The following PCDHGB6 variants were observed in gnomAD, a reference collection of about 807,000 sequenced individuals.
PCDHGB6 encodes the protein protocadherin gamma-B6.
A neutral mutation model predicts 59.1 loss-of-function variants in PCDHGB6; 51 were observed. The ratio of observed to expected loss-of-function variants is 0.86; its 90% CI spans 0.69 to 1.09. The LOEUF is 1.09. PCDHGB6 is among the 50% of genes least tolerant of loss of function. The pLI is 0.00. For missense variants in PCDHGB6, 1,148 were observed against 1,205.1 expected, an observed-to-expected ratio of 0.95 and a Z score of 0.70; for synonymous variants, 466 against 495.1, an observed-to-expected ratio of 0.94 and a Z score of 0.78.
At chr5:141,497,203 G>A (rs750138875) in intron 2 of PCDHGB6, among the ~76,000 whole-genome samples, 25 of 91,718 alleles carry the variant, frequency 2.7e-4, no homozygotes, top group Non-Finnish European at 4.9e-4. Flanking sequence ...AACAATGTGA[G>A]TGTAATGGGG....
rs966009387 is a variant in PCDHGB6, at chr5:141,511,564, G to A, written c.*391G>A. The A allele has an allele frequency of 3.0e-5, 9 of 295,900 alleles. No individual in the cohort carries two copies. The highest frequency in any genetic ancestry group is 4.6e-5 in the Non-Finnish European group (7 of 151,798). The allele number at this position is 295,900 out of a possible 1,614,324, so 18.3% of individuals were successfully genotyped here. A position where few individuals can be genotyped will look rare whatever the true frequency, so the allele number is the denominator to read the frequency against. ...CCCACTCCAACAGTTCCTCTTTCCC[G>A]AGTAAGGTGGTTGGGGTGTTGAAGT... On this transcript the variant is annotated 3_prime_UTR_variant, in exon 4 of 4. Transcript: ENST00000520790.
intron 1 of PCDHGB6, chr5:141,422,633 G>C: frequency 6.2e-7 from 1 of 1,613,120 alleles, no homozygotes; most frequent in Non-Finnish European, 8.5e-7. Context: ...AACCCCAGGG[G>C]TGCCTCCATC....
Position 141,489,427 on chromosome 5 carries a change from C to A in PCDHGB6, c.2419-5380C>A. ...AAAGATGACAGATCTGTTGAGCCGG[C>A]GGCTGCAATTGGGCTCTGAGGAGAA... On this transcript the variant is annotated intron_variant, in intron 1 of 3. Coordinates refer to ENST00000520790, the MANE Select transcript of PCDHGB6 (RefSeq NM_018926.3). This position sits in a 1 kb window ranked among gnomAD's most constrained non-coding sequence, Gnocchi z 4.5. The A allele has an allele frequency of 6.2e-7, 1 of 1,614,108 alleles. No individual in the cohort carries two copies. The highest frequency in any genetic ancestry group is 1.1e-5 in the South Asian group (1 of 91,086).
At position 141,408,402 on chromosome 5, in the gene PCDHGB6, G is replaced by A; in HGVS notation, c.200G>A (p.Arg67Gln). ...CTGGATGTGTCGGCTCGCAAGCTGC[G>A]AGTGAGCGCGGAGAAGCTGCACTTC... ...SVLDVSARKL[R>Q]VSAEKLHFSV... The change falls in exon 1 of 4, where the codon CGA becomes CAA. Residue 67 changes from arginine (R) to glutamine (Q), a missense_variant. Around this residue, in one of 5 missense-constraint regions of PCDHGB6, gnomAD observed 307 missense variants for 323.8 expected, o/e 0.95. Transcript: ENST00000520790. 2 of 1,614,052 alleles carry A rather than the reference G, an allele frequency of 1.2e-6. No homozygotes were observed. Among genetic ancestry groups the A allele is most frequent in the Non-Finnish European group, 1.7e-6 (2 of 1,179,892 alleles).
chr5:141,476,225 A>G lies in PCDHGB6; in HGVS notation c.2419-18582A>G, dbSNP rs1414835001. ...GGCTTCCACGGTCATTCACTATGAG[A>G]TCCCGGAGGAAAGAGAGAAGGGTTT... On this transcript the variant is annotated intron_variant, in intron 1 of 3. Transcript: ENST00000520790. This position sits in a 1 kb window ranked among gnomAD's most constrained non-coding sequence, Gnocchi z 7.6. 3 of 1,613,882 alleles carry G rather than the reference A, an allele frequency of 1.9e-6. No homozygotes were observed. The highest frequency in any genetic ancestry group is 2.5e-6 in the Non-Finnish European group (3 of 1,180,012).
Position 141,476,657 on chromosome 5 carries a change from G to A in PCDHGB6, c.2419-18150G>A, listed in dbSNP as rs759887729. On this transcript the variant is annotated intron_variant, in intron 1 of 3. Coordinates refer to ENST00000520790, the MANE Select transcript of PCDHGB6 (RefSeq NM_018926.3). This position sits in a 1 kb window ranked among gnomAD's most constrained non-coding sequence, Gnocchi z 7.6. ...TGAGCTGAGCCGAAATGAATACTTTGCGCTTCGCGTGCAGACGCGGGAGGA... is the reference window on the plus strand; with the variant it reads ...TGAGCTGAGCCGAAATGAATACTTTACGCTTCGCGTGCAGACGCGGGAGGA... 1.9e-6 allele frequency: 3 copies of A among 1,614,140 alleles called. No homozygotes were observed. Among genetic ancestry groups the A allele is most frequent in the Non-Finnish European group, 2.5e-6 (3 of 1,180,060 alleles).
At chr5:141,425,018 T>C (rs2096853023) in intron 1 of PCDHGB6, among the ~76,000 whole-genome samples, 1 of 152,224 alleles carries the variant, frequency 6.6e-6, no homozygotes, top group Non-Finnish European at 1.5e-5. Context: ...TTTAGGAATT[T>C]ACCTTATGTC....
In PCDHGB6 at chr5:141,477,143, G is replaced by T; in HGVS notation, c.2419-17664G>T. On this transcript the variant is annotated intron_variant, in intron 1 of 3. Transcript: ENST00000520790. The surrounding 1 kb of genome is among the most constrained non-coding windows in gnomAD (Gnocchi z 4.9). The stretch of plus-strand genomic sequence containing the variant: ...ACATTGCAAAGTGTTGGTGGAGGTT[G>T]TGGATGTGAATGACAACGCCCCGGA... The T allele has an allele frequency of 6.2e-7, 1 of 1,614,198 alleles. No homozygotes were observed. The highest frequency in any genetic ancestry group is 8.5e-7 in the Non-Finnish European group (1 of 1,180,036).
intron 1 of PCDHGB6, among the ~76,000 whole-genome samples, chr5:141,445,924 A>G (rs1451439271): frequency 6.6e-6 from 1 of 152,184 alleles, no homozygotes; most frequent in Non-Finnish European, 1.5e-5. Flanking sequence ...GTGACAAGAT[A>G]TTTGAATTAT....
At position 141,511,426 on chromosome 5, in the gene PCDHGB6, G is replaced by C. The variant is rs2099883789; in HGVS notation, c.*253G>C. 2.5e-6 allele frequency: 2 copies of C among 798,652 alleles called. No homozygotes were observed. The highest frequency in any genetic ancestry group is 3.8e-6 in the Non-Finnish European group (2 of 529,972). 49.5% of individuals were successfully genotyped at this position (798,652 alleles called of 1,614,324 possible). ...CAACTGCTGTACCCATGGGGGTAGTGGGGTTACTGTAGACACCAAGAACCA... is the reference window on the plus strand; with the variant it reads ...CAACTGCTGTACCCATGGGGGTAGTCGGGTTACTGTAGACACCAAGAACCA... On this transcript the variant is annotated 3_prime_UTR_variant, in exon 4 of 4. Transcript: ENST00000520790.
chr5:141,495,873 C>G (rs2099764359), intron 2 of PCDHGB6, among the ~76,000 whole-genome samples: 1 of 152,146 alleles, frequency 6.6e-6, no homozygotes, highest in Admixed American at 6.6e-5. Flanking sequence ...CTGCTTTCCT[C>G]TCTGTTCTTT....
chr5:141,452,449 T>G (rs1482580788), intron 1 of PCDHGB6, among the ~76,000 whole-genome samples: 1 of 152,224 alleles, frequency 6.6e-6, no homozygotes, highest in South Asian at 2.1e-4. Flanking sequence ...TTCTAGGCCT[T>G]GTCAGCAGAC....
At chr5:141,423,463 G>T (rs772779471) in intron 1 of PCDHGB6, 22 of 1,613,992 alleles carry the variant, frequency 1.4e-5, no homozygotes, top group Non-Finnish European at 1.8e-5. Context: ...AGGCGTGGAC[G>T]GGGTACAGGC....
intron 1 of PCDHGB6, chr5:141,426,648 A>G (rs1224402025): frequency 2.4e-6 from 1 of 418,088 alleles, no homozygotes; most frequent in Non-Finnish European, 4.9e-6. Flanking sequence ...AAATGTGATG[A>G]TAGAAGATAT....
chr5:141,434,820 G>A (rs953824837), intron 1 of PCDHGB6, among the ~76,000 whole-genome samples: 1 of 151,302 alleles, frequency 6.6e-6, no homozygotes, highest in Admixed American at 6.6e-5. Flanking sequence ...ATATCCCTTA[G>A]TACACTTGGC....
chr5:141,423,766 C>A, intron 1 of PCDHGB6: 1 of 1,110,086 alleles, frequency 9.0e-7, no homozygotes, highest in Non-Finnish European at 1.1e-6. Context: ...GGGGGTGGGG[C>A]GGCATATATT....
At position 141,431,031 on chromosome 5, in the gene PCDHGB6, A is replaced by C; in HGVS notation, c.2418+20411A>C. Reference sequence around the variant, plus strand: ...AGCTTGGTCACGGCGGGCAGGATAGACCGGGAGGAGCTCTGTATGGGGGCC... The same window carrying C: ...AGCTTGGTCACGGCGGGCAGGATAGCCCGGGAGGAGCTCTGTATGGGGGCC... On this transcript the variant is annotated intron_variant, in intron 1 of 3. Coordinates refer to ENST00000520790, the MANE Select transcript of PCDHGB6 (RefSeq NM_018926.3). This position sits in a 1 kb window ranked among gnomAD's most constrained non-coding sequence, Gnocchi z 4.8. 1 of 1,614,036 alleles carries C rather than the reference A, an allele frequency of 6.2e-7. No homozygotes were observed. The highest frequency in any genetic ancestry group is 8.5e-7 in the Non-Finnish European group (1 of 1,180,000).
At chr5:141,435,803 T>C (rs551682061) in intron 1 of PCDHGB6, among the ~76,000 whole-genome samples, 1 of 152,178 alleles carries the variant, frequency 6.6e-6, no homozygotes, top group South Asian at 2.1e-4. Context: ...ACGTCCCAAT[T>C]ATTTTTTCTT....
intron 1 of PCDHGB6, among the ~76,000 whole-genome samples, chr5:141,463,302 A>T (rs2099056422): frequency 6.6e-6 from 1 of 151,090 alleles, no homozygotes; most frequent in Non-Finnish European, 1.5e-5. Context: ...ATCTCCCCAA[A>T]CTCTAATATC....
Sources: allele counts gnomAD v4.1 joint callset (sites outside exome capture counted in the v4.1 genomes callset), GRCh38; gene constraint gnomAD v4.1.1; regional missense constraint gnomAD v4.1.1; non-coding constraint Gnocchi (gnomAD v3.1); transcripts MANE v1.5; gene names NCBI Gene and HGNC (gene_info 2026-07-23, HGNC 2026-07-21).